AFG2A: variants seen among roughly 807,000 people sequenced by gnomAD.
AFG2A encodes the protein ATPase family gene 2 protein homolog A.
At chr4:123,227,635 G>T in the AFG2A span, among the ~76,000 whole-genome samples, 27 of 152,122 alleles carry the variant, frequency 1.8e-4, no homozygotes, top group Non-Finnish European at 1.2e-4. Context: ...TTCCAACTAT[G>T]TGGTCAATTT....
At chr4:123,254,298 G>T in the AFG2A span, among the ~76,000 whole-genome samples, 1 of 150,320 alleles carries the variant, frequency 6.7e-6, no homozygotes, top group African/African-American at 2.5e-5. Context: ...TTTCAGTATG[G>T]TGTGAGGTAA....
the AFG2A span, chr4:122,934,263 G>A: frequency 6.2e-7 from 1 of 1,614,180 alleles, no homozygotes; most frequent in Admixed American, 1.7e-5. Context: ...AGTCCAGCAT[G>A]GAAACCAGTA....
the AFG2A span, chr4:122,923,340 G>C: frequency 8.1e-6 from 13 of 1,612,282 alleles, no homozygotes; most frequent in Non-Finnish European, 1.1e-5. Flanking sequence ...AGAGGCCGAG[G>C]GGGCGCAACC....
chr4:123,053,297 G>A, the AFG2A span, among the ~76,000 whole-genome samples: 1 of 152,228 alleles, frequency 6.6e-6, no homozygotes, highest in African/African-American at 2.4e-5. Flanking sequence ...GGCCCAGATG[G>A]ACCTGGGGTA....
chr4:123,246,697 A>G, the AFG2A span, among the ~76,000 whole-genome samples: 1 of 152,288 alleles, frequency 6.6e-6, no homozygotes, highest in Admixed American at 6.5e-5. Flanking sequence ...GATCTGAAGG[A>G]AACAATATCT....
chr4:123,265,560 G>A, the AFG2A span, among the ~76,000 whole-genome samples: 1 of 152,106 alleles, frequency 6.6e-6, no homozygotes, highest in Non-Finnish European at 1.5e-5. Flanking sequence ...AACACCTTGT[G>A]CTGCCATACC....
the AFG2A span, among the ~76,000 whole-genome samples, chr4:123,144,550 G>A: frequency 6.6e-5 from 10 of 152,018 alleles, no homozygotes; most frequent in Non-Finnish European, 1.5e-4. Context: ...TTGAAAGGAC[G>A]ATGACTTGTA....
At chr4:123,176,318 T>C in the AFG2A span, among the ~76,000 whole-genome samples, 4 of 152,176 alleles carry the variant, frequency 2.6e-5, no homozygotes, top group Admixed American at 2.6e-4. Context: ...TTCAACAGAA[T>C]ACCAAGTGAG....
chr4:122,936,183 A>G, the AFG2A span: 2 of 1,572,306 alleles, frequency 1.3e-6, no homozygotes, highest in South Asian at 2.4e-5. Context: ...AATGTTTTGG[A>G]ATTAATAATC....
chr4:123,033,174 A>G, the AFG2A span, among the ~76,000 whole-genome samples: 1 of 152,280 alleles, frequency 6.6e-6, no homozygotes, highest in Non-Finnish European at 1.5e-5. Context: ...AGCTCTTTTA[A>G]TTACAGAATG....
the AFG2A span, among the ~76,000 whole-genome samples, chr4:123,208,588 C>T: frequency 2.6e-5 from 4 of 152,182 alleles, no homozygotes; most frequent in Non-Finnish European, 5.9e-5. Context: ...TATACAGTAA[C>T]TAACCTGTAG....
chr4:123,210,684 C>A, the AFG2A span, among the ~76,000 whole-genome samples: 897 of 152,136 alleles, frequency 5.9e-3, 11 homozygotes, highest in African/African-American at 0.02. Flanking sequence ...GATTTCTTTT[C>A]TTTTCTTTTA....
the AFG2A span, among the ~76,000 whole-genome samples, chr4:123,285,797 A>G: frequency 3.0e-4 from 46 of 152,240 alleles, no homozygotes; most frequent in South Asian, 7.1e-3. Context: ...ATTTACCTAA[A>G]GGCTTTCAAA....
At chr4:123,080,798 T>C in the AFG2A span, among the ~76,000 whole-genome samples, 1 of 152,210 alleles carries the variant, frequency 6.6e-6, no homozygotes, top group Non-Finnish European at 1.5e-5. Context: ...TGTATTTCCT[T>C]AATATTTCTC....
At chr4:123,193,802 A>G in the AFG2A span, among the ~76,000 whole-genome samples, 1 of 152,356 alleles carries the variant, frequency 6.6e-6, no homozygotes, top group South Asian at 2.1e-4. Context: ...TGCTTCAAAA[A>G]TTAGAAGTTT....
chr4:122,945,525 C>T, the AFG2A span, among the ~76,000 whole-genome samples: 21 of 152,318 alleles, frequency 1.4e-4, no homozygotes, highest in East Asian at 1.9e-4. Context: ...GGGAGTGACC[C>T]GATATTCCAG....
At chr4:123,044,770 A>T in the AFG2A span, among the ~76,000 whole-genome samples, 5 of 150,936 alleles carry the variant, frequency 3.3e-5, no homozygotes, top group Non-Finnish European at 7.4e-5. Flanking sequence ...TGAGGATGTC[A>T]TTTTTTTTTT....
chr4:123,036,345 T>A, the AFG2A span, among the ~76,000 whole-genome samples: 4 of 152,110 alleles, frequency 2.6e-5, no homozygotes, highest in African/African-American at 9.7e-5. Context: ...GATGGAAGTA[T>A]CCTAACTCCA....
the AFG2A span, chr4:122,928,957 C>A: frequency 6.7e-7 from 1 of 1,496,568 alleles, no homozygotes; most frequent in Non-Finnish European, 8.9e-7. Context: ...AAGTGCTTGA[C>A]TGTGCTTAGC....
Sources: allele counts gnomAD v4.1 joint callset (sites outside exome capture counted in the v4.1 genomes callset), GRCh38; gene constraint gnomAD v4.1.1; transcripts MANE v1.5; gene names NCBI Gene and HGNC (gene_info 2026-07-23, HGNC 2026-07-21).